Variants in TENM2 observed in about 807,000 individuals in gnomAD.
TENM2 encodes teneurin transmembrane protein 2.
In TENM2, 52 loss-of-function variants were observed where a neutral mutation model predicts 245.2. The observed-to-expected ratio is 0.21, with a 90% CI of 0.17 to 0.27. TENM2 has a LOEUF of 0.27. Among genes scored for constraint, TENM2 ranks in the 10% least tolerant of loss-of-function variants. The pLI is 1.00. For missense variants in TENM2, 3,046 were observed against 3,666.8 expected (o/e 0.83, Z 4.37); for synonymous variants, 1,363 against 1,438.9 (o/e 0.95, Z 1.19).
the TENM2 span, among the ~76,000 whole-genome samples, chr5:167,065,289 G>A: frequency 6.6e-6 from 1 of 152,216 alleles, no homozygotes; most frequent in African/African-American, 2.4e-5. Flanking sequence ...TCTATTTAAT[G>A]ATTGTACTTT....
At chr5:167,075,730 A>G in the TENM2 span, among the ~76,000 whole-genome samples, 1 of 152,194 alleles carries the variant, frequency 6.6e-6, no homozygotes, top group South Asian at 2.1e-4. Context: ...CAAGCCAGTC[A>G]TTGATGCAGG....
intron 2 of TENM2, among the ~76,000 whole-genome samples, chr5:167,479,543 G>A (rs1379235348): frequency 6.6e-6 from 1 of 151,982 alleles, no homozygotes; most frequent in African/African-American, 2.4e-5. Flanking sequence ...TTATGAATAA[G>A]GAATTTAGGA....
intron 2 of TENM2, among the ~76,000 whole-genome samples, chr5:167,614,387 G>A (rs1409933541): frequency 2.0e-5 from 3 of 152,016 alleles, no homozygotes; most frequent in African/African-American, 7.2e-5. Context: ...AGAAGGCCAA[G>A]GTCAACTTTT....
At chr5:167,774,876 TC>T (rs1561767281) in intron 2 of TENM2, among the ~76,000 whole-genome samples, 1 of 152,098 alleles carries the variant, frequency 6.6e-6, no homozygotes, top group Non-Finnish European at 1.5e-5. Flanking sequence ...CATGATAGTT[TC>T]CCCCCAGTGC....
At position 168,218,498 on chromosome 5, in the gene TENM2, C is replaced by G. The variant is rs781504698; in HGVS notation, c.4607C>G (p.Ala1536Gly). The G allele has an allele frequency of 1.2e-6, 2 of 1,613,908 alleles. No homozygotes were observed. The highest frequency in any genetic ancestry group is 4.5e-5 in the East Asian group (2 of 44,890). ...TGCAACTGCTATTCAGGAGATGATG[C>G]CTACGCGACTGATGCCATCTTGAAT... The change falls in exon 23 of 29, where the codon GCC becomes GGC. Residue 1536 changes from alanine to glycine, a missense_variant. Transcript: ENST00000518659. This position sits in a 1 kb window ranked among gnomAD's most constrained non-coding sequence, Gnocchi z 5.2.
At chr5:167,125,645 C>G in the TENM2 span, among the ~76,000 whole-genome samples, 2 of 152,192 alleles carry the variant, frequency 1.3e-5, no homozygotes, top group African/African-American at 4.8e-5. Context: ...CATACATATT[C>G]TATACATAGA....
intron 5 of TENM2, among the ~76,000 whole-genome samples, chr5:168,040,725 T>A (rs1038714753): frequency 6.6e-6 from 1 of 152,242 alleles, no homozygotes; most frequent in South Asian, 2.1e-4. Context: ...ATTTTGGCAC[T>A]GACAGCATTC....
chr5:167,659,599 A>C (rs927301726), intron 2 of TENM2, among the ~76,000 whole-genome samples: 9 of 152,178 alleles, frequency 5.9e-5, no homozygotes, highest in African/African-American at 2.2e-4. Flanking sequence ...CTTTAAAGCA[A>C]TGCTTGATAT....
chr5:167,410,927 T>C (rs1461326502), intron 2 of TENM2, among the ~76,000 whole-genome samples: 1 of 152,098 alleles, frequency 6.6e-6, no homozygotes, highest in Non-Finnish European at 1.5e-5. Flanking sequence ...AACCCACCTA[T>C]TAACCTCTAG....
chr5:167,158,765 C>G, the TENM2 span, among the ~76,000 whole-genome samples: 2 of 151,986 alleles, frequency 1.3e-5, no homozygotes, highest in South Asian at 2.1e-4. Context: ...CCCAAAGTCC[C>G]CATTTCCAAG....
At chr5:167,312,760 T>C (rs2127756985) in intron 1 of TENM2, among the ~76,000 whole-genome samples, 1 of 152,128 alleles carries the variant, frequency 6.6e-6, no homozygotes, top group African/African-American at 2.4e-5. Flanking sequence ...TAACTATCTC[T>C]TTAGTTTTGT....
chr5:167,740,602 G>A (rs980947555), intron 2 of TENM2, among the ~76,000 whole-genome samples: 3 of 151,896 alleles, frequency 2.0e-5, no homozygotes, highest in South Asian at 2.1e-4. Context: ...TTTGTATCCC[G>A]CGTGCTACCT....
intron 2 of TENM2, among the ~76,000 whole-genome samples, chr5:167,838,170 C>T (rs1769176878): frequency 6.6e-6 from 1 of 152,200 alleles, no homozygotes; most frequent in Non-Finnish European, 1.5e-5. Context: ...CTTGGTGATA[C>T]AACAGTAGCC....
At chr5:168,179,134 GAAAA>G (rs35502066) in intron 13 of TENM2, among the ~76,000 whole-genome samples, 95 of 99,930 alleles carry the variant, frequency 9.5e-4, no homozygotes, top group African/African-American at 2.3e-3. Flanking sequence ...GACTCTGCCT[GAAAA>G]AAAAAAAAAA....
chr5:167,698,994 T>C (rs1757972467), intron 2 of TENM2, among the ~76,000 whole-genome samples: 1 of 152,058 alleles, frequency 6.6e-6, no homozygotes, highest in Non-Finnish European at 1.5e-5. Context: ...ATAAGTACTT[T>C]TAAAAGAAAT....
chr5:168,031,777 G>A (rs537193284), intron 5 of TENM2, among the ~76,000 whole-genome samples: 3 of 147,808 alleles, frequency 2.0e-5, no homozygotes. Flanking sequence ...GGGAAGGAGG[G>A]AGGGAAGGAG....
At chr5:168,165,602 G>T (rs1331701594) in intron 13 of TENM2, among the ~76,000 whole-genome samples, 1 of 133,828 alleles carries the variant, frequency 7.5e-6, no homozygotes, top group African/African-American at 2.8e-5. Flanking sequence ...CAGGGTCCCC[G>T]GGCCTAAGGG....
At chr5:167,213,715 T>A in the TENM2 span, among the ~76,000 whole-genome samples, 2 of 152,226 alleles carry the variant, frequency 1.3e-5, no homozygotes, top group Admixed American at 1.3e-4. Context: ...GTAGCCTCTA[T>A]AAAATATTAC....
chr5:167,689,563 A>C (rs1471330567), intron 2 of TENM2, among the ~76,000 whole-genome samples: 3 of 152,194 alleles, frequency 2.0e-5, no homozygotes, highest in South Asian at 2.1e-4. Context: ...TTATCTCTGC[A>C]TGTCTTTTTA....
Sources: gnomAD v4.1 joint callset for allele counts (sites outside exome capture counted in the v4.1 genomes callset) on GRCh38, gnomAD v4.1.1 for gene constraint, Gnocchi (gnomAD v3.1) non-coding constraint, MANE v1.5 for transcripts, NCBI Gene and HGNC (gene_info 2026-07-23, HGNC 2026-07-21) for gene names.